The following ZNF441 variants were observed in gnomAD, a reference collection of about 807,000 sequenced individuals.
The protein encoded by ZNF441 is zinc finger protein 441.
A neutral mutation model predicts 64.5 loss-of-function variants in ZNF441; 25 were observed. The ratio of observed to expected loss-of-function variants is 0.39; its 90% CI spans 0.28 to 0.54. The LOEUF is 0.54. Among genes scored for constraint, ZNF441 ranks in the 20% least tolerant of loss-of-function variants. The pLI is 0.70. For synonymous variants in ZNF441, 262 were observed against 268.0 expected (o/e 0.98, Z 0.22); for missense variants, 715 against 843.3 (o/e 0.85, Z 1.88).
Position 11,780,376 on chromosome 19 carries a change from A to G in ZNF441, c.552A>G (p.Gln184=), listed in dbSNP as rs1393149961. 1.9e-6 allele frequency: 3 copies of G among 1,614,100 alleles called. No homozygotes were observed. The highest frequency in any genetic ancestry group is 2.7e-5 in the African/African-American group (2 of 74,938). ...GCTTCAGTTCTCTTGAAAACCTTCA[A>G]AGACACATGGCAGCACACCATGGAG... ...CASFSSLENL[Q]RHMAAHHGDG... is the part of the protein sequence containing the mutation. The change falls in exon 4 of 4, where the codon CAA becomes CAG. Residue 184 remains glutamine (Q), a synonymous_variant. Transcript: ENST00000357901.
intron 1 of ZNF441, 148 bp from the exon 2 acceptor site, chr19:11,777,463 G>C: frequency 1.3e-6 from 1 of 773,246 alleles, no homozygotes; most frequent in East Asian, 3.2e-5. Flanking sequence ...GGGATAAAAT[G>C]AGTGTAAAGA....
Position 11,780,289 on chromosome 19 carries a change from C to G in ZNF441, c.465C>G (p.Cys155Trp). 1 of 1,614,154 alleles carries G rather than the reference C, an allele frequency of 6.2e-7. No individual in the cohort carries two copies. The highest frequency in any genetic ancestry group is 8.5e-7 in the Non-Finnish European group (1 of 1,180,030). The change falls in exon 4 of 4, where the codon TGC becomes TGG. Residue 155 changes from cysteine (C) to tryptophan (W), a missense_variant. By Grantham distance (215) the Cys-to-Trp change is radical (BLOSUM62 -2). Coordinates refer to ENST00000357901, the MANE Select transcript of ZNF441 (RefSeq NM_152355.3). ...GGACAGCTTTCAGTTATCAGCCCTG[C>G]TTTCAAATACATGAAAGACCTCAGC... ...QCGTAFSYQP[C>W]FQIHERPQHG... is the part of the protein sequence containing the mutation.
At chr19:11,773,164 C>T (rs1313470855) in intron 1 of ZNF441, among the ~76,000 whole-genome samples, 1 of 152,142 alleles carries the variant, frequency 6.6e-6, no homozygotes, top group African/African-American at 2.4e-5. Context: ...TTTTTATCAA[C>T]ATTGCAATAT....
Position 11,781,936 on chromosome 19 carries a change from A to G in ZNF441, c.*30A>G, listed in dbSNP as rs143791512. On this transcript the variant is annotated 3_prime_UTR_variant, in exon 4 of 4. Transcript: ENST00000357901. ...AACCCCTATGAGTGTTGAACATGTGAGAAAGCCTTAAGTACTTTCAGCTTC... is the reference window on the plus strand; with the variant it reads ...AACCCCTATGAGTGTTGAACATGTGGGAAAGCCTTAAGTACTTTCAGCTTC... 6.6e-7 allele frequency: 1 copy of G among 1,510,716 alleles called. No individual in the cohort carries two copies. Among genetic ancestry groups the G allele is most frequent in the Non-Finnish European group, 8.9e-7 (1 of 1,126,222 alleles). 93.6% of individuals were successfully genotyped at this position (1,510,716 alleles called of 1,614,324 possible). A position where few individuals can be genotyped will look rare whatever the true frequency, so the allele number is the denominator to read the frequency against.
chr19:11,771,845 G>C (rs1975316430), intron 1 of ZNF441, among the ~76,000 whole-genome samples: 1 of 152,184 alleles, frequency 6.6e-6, no homozygotes, highest in South Asian at 2.1e-4. Flanking sequence ...TTCCCCGGGG[G>C]AGTTTAGAGA....
At position 11,780,692 on chromosome 19, in the gene ZNF441, TATC is replaced by T; in HGVS notation, c.872_874del (p.His291del). 6.2e-7 allele frequency: 1 copy of T among 1,613,932 alleles called. No homozygotes were observed. Among genetic ancestry groups the T allele is most frequent in the Non-Finnish European group, 8.5e-7 (1 of 1,179,964 alleles). ...ATGTAAGCAATGTGGGAAAGCATTT[TATC>T]ATCTTGGAAGCTTTCAAAGACACAT... On this transcript the variant is annotated inframe_deletion, in exon 4 of 4. Transcript: ENST00000357901.
At chr19:11,769,541 A>C (rs777405680) in intron 1 of ZNF441, among the ~76,000 whole-genome samples, 13 of 152,186 alleles carry the variant, frequency 8.5e-5, no homozygotes, top group Non-Finnish European at 1.8e-4. Context: ...TTCCTAACTT[A>C]GTCCTTTGGG....
Position 11,767,325 on chromosome 19 carries a change from C to T in ZNF441, c.3+129C>T, listed in dbSNP as rs1295244557. On this transcript the variant is annotated intron_variant, in intron 1 of 3. Transcript: ENST00000357901. This position sits in a 1 kb window ranked among gnomAD's most constrained non-coding sequence, Gnocchi z 5.1. ...CTGGCGCAGCTCGGCCCTCGGTTCCCTCGGCCGCACGATGGGGCTGGGGCG... is the reference window on the plus strand; with the variant it reads ...CTGGCGCAGCTCGGCCCTCGGTTCCTTCGGCCGCACGATGGGGCTGGGGCG... 6.3e-6 allele frequency: 9 copies of T among 1,426,168 alleles called. No homozygotes were observed. Among genetic ancestry groups the T allele is most frequent in the East Asian group, 5.0e-5 (2 of 39,720 alleles). The allele number at this position is 1,426,168 out of a possible 1,614,324, so 88.3% of individuals were successfully genotyped here.
At position 11,778,320 on chromosome 19, in the gene ZNF441, T is replaced by A; in HGVS notation, c.131-10T>A. On this transcript the variant is annotated splice_polypyrimidine_tract_variant and intron_variant, in intron 2 of 3. Transcript: ENST00000357901. Reference sequence around the variant, plus strand: ...TAATTTATAGTCATTTTTCTGGTTCTAACTTTTAGGAATGATATGGCAAAA... The same window carrying A: ...TAATTTATAGTCATTTTTCTGGTTCAAACTTTTAGGAATGATATGGCAAAA... The A allele has an allele frequency of 6.6e-7, 1 of 1,524,826 alleles. No individual in the cohort carries two copies. The highest frequency in any genetic ancestry group is 8.8e-7 in the Non-Finnish European group (1 of 1,130,252). 94.5% of individuals were successfully genotyped at this position (1,524,826 alleles called of 1,614,324 possible).
At chr19:11,775,175 C>G (rs1975344267) in intron 1 of ZNF441, among the ~76,000 whole-genome samples, 1 of 152,228 alleles carries the variant, frequency 6.6e-6, no homozygotes, top group Non-Finnish European at 1.5e-5. Flanking sequence ...GCTTAAAACT[C>G]TGCTTTAGCC....
intron 1 of ZNF441, among the ~76,000 whole-genome samples, chr19:11,771,863 T>C (rs1975316591): frequency 6.6e-6 from 1 of 152,146 alleles, no homozygotes; most frequent in African/African-American, 2.4e-5. Context: ...AGAAGACTGC[T>C]CCTCCACCTC....
intron 1 of ZNF441, among the ~76,000 whole-genome samples, chr19:11,773,605 GT>G (rs1281640318): frequency 6.6e-6 from 1 of 152,108 alleles, no homozygotes; most frequent in African/African-American, 2.4e-5. Flanking sequence ...GGTTTTATAA[GT>G]TTTTGCCTTA....
At position 11,767,671 on chromosome 19, in the gene ZNF441, A is replaced by G. The variant is rs547980494; in HGVS notation, c.3+475A>G. On this transcript the variant is annotated intron_variant, in intron 1 of 3. Transcript: ENST00000357901. The surrounding 1 kb of genome is among the most constrained non-coding windows in gnomAD (Gnocchi z 5.1). ...GGGGAAGTGAGGGGTGACTCTTGGGACTGGAGGTGAAGAAACCGCATTCTT... is the reference window on the plus strand; with the variant it reads ...GGGGAAGTGAGGGGTGACTCTTGGGGCTGGAGGTGAAGAAACCGCATTCTT... 4.6e-5 allele frequency among the ~76,000 whole-genome samples: 7 copies of G among 152,152 alleles called. No individual in the cohort carries two copies. The South Asian group carries it at 1.5e-3, about 32-fold the overall frequency.
intron 1 of ZNF441, among the ~76,000 whole-genome samples, chr19:11,774,093 A>G (rs1975336806): frequency 6.6e-6 from 1 of 151,956 alleles, no homozygotes; most frequent in African/African-American, 2.4e-5. Context: ...TGTTTCTTAA[A>G]TGTTATTAGT....
At chr19:11,772,845 A>G (rs409436) in intron 1 of ZNF441, among the ~76,000 whole-genome samples, 73,711 of 151,922 alleles carry the variant, frequency 0.49, 19,224 homozygotes, top group African/African-American at 0.7. Context: ...GTGAGATAAT[A>G]ACACTGCACT....
In ZNF441 at chr19:11,780,933, G is replaced by A. The variant is rs750234053; in HGVS notation, c.1109G>A (p.Gly370Glu). The change falls in exon 4 of 4, where the codon GGG (glycine) becomes GAG (glutamate). Residue 370 changes from glycine to glutamate, a missense_variant. By Grantham distance (98) the Gly-to-Glu change is moderately conservative. Coordinates refer to ENST00000357901, the MANE Select transcript of ZNF441 (RefSeq NM_152355.3). ...GDGPHKCKVC[G>E]KAFDSPSLCR... ...GGACCTCATAAATGCAAGGTATGTG[G>A]GAAAGCCTTTGATTCTCCCAGTTTA... is the stretch of plus-strand genomic sequence containing the variant. The A allele has an allele frequency of 6.2e-7, 1 of 1,613,942 alleles. No homozygotes were observed. Among genetic ancestry groups the A allele is most frequent in the East Asian group, 2.2e-5 (1 of 44,828 alleles).
In ZNF441 at chr19:11,781,059, C is replaced by T. The variant is rs1454869465; in HGVS notation, c.1235C>T (p.Thr412Ile). The stretch of plus-strand genomic sequence containing the variant: ...TATTACTTTCGAAATCATGAAACTA[C>T]TCACACTGGAGAGAAGCCATATAAA... Reference protein sequence around the residue: ...DFYYFRNHETTHTGEKPYKCK... With the variant: ...DFYYFRNHETIHTGEKPYKCK... Residue 412 changes from threonine (T) to isoleucine (I), a missense_variant, in exon 4 of 4, where the codon ACT (threonine) becomes ATT (isoleucine). This residue lies in a region of ZNF441 where 316 missense variants were observed against 429.3 expected (regional missense o/e 0.74). Transcript: ENST00000357901. The T allele has an allele frequency of 6.2e-7, 1 of 1,614,122 alleles. No homozygotes were observed. Among genetic ancestry groups the T allele is most frequent in the Non-Finnish European group, 8.5e-7 (1 of 1,180,002 alleles).
At position 11,767,345 on chromosome 19, in the gene ZNF441, G is replaced by C. The variant is rs766993402; in HGVS notation, c.3+149G>C. On this transcript the variant is annotated intron_variant, in intron 1 of 3. Transcript: ENST00000357901. The surrounding 1 kb of genome is among the most constrained non-coding windows in gnomAD (Gnocchi z 5.1). ...GTTCCCTCGGCCGCACGATGGGGCT[G>C]GGGCGGCAGCCGGGACCCCGGGCGT... The C allele has an allele frequency of 1.2e-3, 1,542 of 1,318,642 alleles. 2 individuals are homozygous for C. The highest frequency in any genetic ancestry group is 1.5e-3 in the Non-Finnish European group (1,485 of 958,786). The allele number at this position is 1,318,642 out of a possible 1,614,324, so 81.7% of individuals were successfully genotyped here.
Position 11,780,713 on chromosome 19 carries a change from A to G in ZNF441, c.889A>G (p.Arg297Gly). ...ATTTTATCATCTTGGAAGCTTTCAA[A>G]GACACATGATAGTGCACACTGGAGA... ...KAFYHLGSFQ[R>G]HMIVHTGDGP... The change falls in exon 4 of 4, where the codon AGA becomes GGA. Residue 297 changes from arginine (R) to glycine (G), a missense_variant. Physicochemically the swap from Arg to Gly is moderately radical, Grantham distance 125. Around this residue, in one of 2 missense-constraint regions of ZNF441, gnomAD observed 399 missense variants for 413.9 expected, o/e 0.96. Coordinates refer to ENST00000357901, the MANE Select transcript of ZNF441 (RefSeq NM_152355.3). The G allele has an allele frequency of 6.2e-7, 1 of 1,614,212 alleles. No individual in the cohort carries two copies.
Sources: allele counts gnomAD v4.1 joint callset (sites outside exome capture counted in the v4.1 genomes callset), GRCh38; gene constraint gnomAD v4.1.1; regional missense constraint gnomAD v4.1.1; non-coding constraint Gnocchi (gnomAD v3.1); transcripts MANE v1.5; gene names NCBI Gene and HGNC (gene_info 2026-07-23, HGNC 2026-07-21).